The following SV2C variants were observed in gnomAD, a reference collection of about 807,000 sequenced individuals.
The protein encoded by SV2C is solute carrier family 22 member B3.
Under a neutral mutation model 79.7 loss-of-function variants are expected in SV2C, and 49 were observed. The observed-to-expected ratio is 0.61, with a 90% confidence interval of 0.49 to 0.78. The LOEUF (loss-of-function observed/expected upper bound fraction) is 0.78. SV2C is among the 30% of genes least tolerant of loss of function. The probability of loss-of-function intolerance (pLI) is 0.00; values close to 1 mark genes in which losing one functional copy is unlikely to be tolerated. For missense variants in SV2C, 833 were observed against 912.9 expected, an observed-to-expected ratio of 0.91 and a Z score of 1.13; for synonymous variants, 334 against 333.2, an observed-to-expected ratio of 1.00 and a Z score of -0.03.
intron 2 of SV2C, among the ~76,000 whole-genome samples, chr5:76,180,776 G>A (rs1561252490): frequency 6.6e-6 from 1 of 152,112 alleles, no homozygotes; most frequent in East Asian, 1.9e-4. Flanking sequence ...GGACACTGTT[G>A]AGCAGCCTTT....
chr5:75,987,282 G>C, the SV2C span, among the ~76,000 whole-genome samples: 3 of 151,940 alleles, frequency 2.0e-5, no homozygotes, highest in Non-Finnish European at 4.4e-5. Context: ...TCCAGCTGGG[G>C]GTAGCTGTGT....
At chr5:76,263,984 G>A (rs890966816) in intron 4 of SV2C, among the ~76,000 whole-genome samples, 1 of 152,062 alleles carries the variant, frequency 6.6e-6, no homozygotes, top group Non-Finnish European at 1.5e-5. Flanking sequence ...GACCTGTCTT[G>A]CCAGGTTGGG....
At chr5:75,918,385 A>G in the SV2C span, among the ~76,000 whole-genome samples, 1 of 152,254 alleles carries the variant, frequency 6.6e-6, no homozygotes, top group African/African-American at 2.4e-5. Context: ...GCTATTGAAC[A>G]GAATGATAGT....
the SV2C span, among the ~76,000 whole-genome samples, chr5:75,997,199 T>G: frequency 2.6e-5 from 4 of 152,154 alleles, no homozygotes. Flanking sequence ...CATGAAGCCT[T>G]GTTGAATTTC....
At chr5:76,262,690 C>T (rs1206162295) in intron 4 of SV2C, among the ~76,000 whole-genome samples, 1 of 151,996 alleles carries the variant, frequency 6.6e-6, no homozygotes, top group Admixed American at 6.5e-5. Context: ...CATTATTTAC[C>T]CAGTAGTCAT....
chr5:76,208,774 T>C (rs779178734), intron 3 of SV2C, among the ~76,000 whole-genome samples: 56 of 152,362 alleles, frequency 3.7e-4, no homozygotes, highest in Non-Finnish European at 6.6e-4. Flanking sequence ...AATGTACTTA[T>C]GTTGTGTGTC....
chr5:76,291,339 A>T lies in SV2C; in HGVS notation c.1248+8A>T. The T allele has an allele frequency of 6.3e-7, 1 of 1,585,284 alleles. No individual in the cohort carries two copies. The highest frequency in any genetic ancestry group is 8.6e-7 in the Non-Finnish European group (1 of 1,166,882). Reference sequence around the variant, plus strand: ...CGCACCGAGCTGTACGGAGTAAGTAACAAGTCCCATGATGACCTGCATGTT... The same window carrying T: ...CGCACCGAGCTGTACGGAGTAAGTATCAAGTCCCATGATGACCTGCATGTT... On this transcript the variant is annotated splice_region_variant and intron_variant, in intron 7 of 12. Transcript: ENST00000502798.
chr5:75,920,685 A>G, the SV2C span: 1 of 723,964 alleles, frequency 1.4e-6, no homozygotes, highest in Non-Finnish European at 2.6e-6. Flanking sequence ...CAGCTCCTTC[A>G]TTCTGTTGAG....
chr5:76,294,955 CA>C (rs1747695434), intron 8 of SV2C, among the ~76,000 whole-genome samples: 1 of 152,122 alleles, frequency 6.6e-6, no homozygotes, highest in African/African-American at 2.4e-5. Context: ...TCCCCATTAG[CA>C]AAAGAGGTCA....
At chr5:76,320,040 G>A (rs1036539516) in intron 12 of SV2C, among the ~76,000 whole-genome samples, 1 of 152,074 alleles carries the variant, frequency 6.6e-6, no homozygotes, top group African/African-American at 2.4e-5. Flanking sequence ...AGCCAGGCAC[G>A]GTGGCTCATA....
the SV2C span, among the ~76,000 whole-genome samples, chr5:75,982,238 G>T: frequency 4.3e-5 from 6 of 138,874 alleles, no homozygotes; most frequent in South Asian, 2.3e-4. Flanking sequence ...AAAATAAAAA[G>T]AAAAAAAAAA....
At chr5:76,113,240 C>T (rs1004363516) in intron 1 of SV2C, among the ~76,000 whole-genome samples, 3 of 152,198 alleles carry the variant, frequency 2.0e-5, no homozygotes, top group Admixed American at 6.5e-5. Flanking sequence ...ATCATAATAC[C>T]ATGTGCCAGC....
chr5:76,307,719 A>G (rs1053560504), intron 12 of SV2C, among the ~76,000 whole-genome samples: 5 of 152,104 alleles, frequency 3.3e-5, no homozygotes, highest in African/African-American at 1.2e-4. Context: ...TTCACTTTAG[A>G]TAGTTTCCAT....
At chr5:75,859,993 C>T in the SV2C span, among the ~76,000 whole-genome samples, 4 of 152,148 alleles carry the variant, frequency 2.6e-5, no homozygotes, top group Admixed American at 2.0e-4. Context: ...AGCAAGCCTC[C>T]GAAGCTCCGG....
intron 1 of SV2C, among the ~76,000 whole-genome samples, chr5:76,097,276 T>C (rs1031186561): frequency 1.3e-5 from 2 of 152,220 alleles, no homozygotes; most frequent in Admixed American, 6.5e-5. Context: ...TTTTGCACAA[T>C]TTTGATATGT....
At chr5:76,095,282 G>A (rs1580261591) in intron 1 of SV2C, among the ~76,000 whole-genome samples, 1 of 151,998 alleles carries the variant, frequency 6.6e-6, no homozygotes, top group African/African-American at 2.4e-5. Context: ...CAATTGATGA[G>A]CCATTACTGA....
the SV2C span, among the ~76,000 whole-genome samples, chr5:75,937,535 T>C: frequency 1.3e-5 from 2 of 151,970 alleles, no homozygotes; most frequent in Admixed American, 1.3e-4. Flanking sequence ...ACTCCATCTC[T>C]ATTATAAATA....
At chr5:75,860,610 A>G in the SV2C span, among the ~76,000 whole-genome samples, 2 of 152,244 alleles carry the variant, frequency 1.3e-5, no homozygotes, top group Non-Finnish European at 1.5e-5. Context: ...ATATGGAACC[A>G]TAAAAGAGCC....
chr5:76,320,490 A>C (rs1748793326), intron 12 of SV2C, among the ~76,000 whole-genome samples: 1 of 152,232 alleles, frequency 6.6e-6, no homozygotes, highest in South Asian at 2.1e-4. Flanking sequence ...ACCATACCAA[A>C]GCAAGAAGTT....
Sources: gnomAD v4.1 joint callset for allele counts (sites outside exome capture counted in the v4.1 genomes callset) on GRCh38, gnomAD v4.1.1 for gene constraint, MANE v1.5 for transcripts, NCBI Gene and HGNC (gene_info 2026-07-23, HGNC 2026-07-21) for gene names.